The following MYH10 variants were observed in gnomAD, a reference collection of about 807,000 sequenced individuals.
MYH10 encodes the protein myosin heavy chain 10.
In MYH10, 55 loss-of-function variants were observed where a neutral mutation model predicts 257.8. That is an observed-to-expected ratio of 0.21 (90% CI 0.17 to 0.27). The LOEUF (loss-of-function observed/expected upper bound fraction) is 0.27. MYH10 is among the 10% of genes least tolerant of loss of function. MYH10 has a pLI of 1.00. For synonymous variants in MYH10, 854 were observed against 921.7 expected (o/e 0.93, Z 1.33); for missense variants, 1,631 against 2,500.6 (o/e 0.65, Z 7.42).
chr17:8,495,118 C>T lies in MYH10; in HGVS notation c.4056+19G>A, dbSNP rs1329061874. On this transcript the variant is annotated intron_variant, in intron 31 of 42. Transcript: ENST00000360416. The stretch of plus-strand genomic sequence containing the variant: ...GAAATGTTAGTTATTATAAAGACCC[C>T]TTGCTCCCCAGGGAATACCTGTGTA... The T allele has an allele frequency of 6.8e-7, 1 of 1,462,060 alleles. No homozygotes were observed. Among genetic ancestry groups the T allele is most frequent in the Admixed American group, 1.7e-5 (1 of 59,554 alleles). 90.6% of individuals were successfully genotyped at this position (1,462,060 alleles called of 1,614,324 possible). A position where few individuals can be genotyped will look rare whatever the true frequency, so the allele number is the denominator to read the frequency against.
At chr17:8,568,053 T>C (rs957657780) in intron 7 of MYH10, among the ~76,000 whole-genome samples, 8 of 152,134 alleles carry the variant, frequency 5.3e-5, no homozygotes, top group Admixed American at 1.3e-4. Context: ...AAAAACAGCC[T>C]AAAATGTGTT....
intron 1 of MYH10, among the ~76,000 whole-genome samples, chr17:8,629,806 C>T (rs1282621746): frequency 1.3e-5 from 2 of 151,904 alleles, no homozygotes; most frequent in Non-Finnish European, 2.9e-5. Flanking sequence ...CCCCTCAAAC[C>T]GCCTGGGCCT....
chr17:8,512,782 G>A, intron 23 of MYH10, 125 bp from the exon 24 acceptor site: 11 of 720,484 alleles, frequency 1.5e-5, no homozygotes, highest in East Asian at 2.9e-5. Flanking sequence ...TAACATCACG[G>A]GAAGAACTTT....
intron 7 of MYH10, among the ~76,000 whole-genome samples, chr17:8,564,088 C>T (rs1278700890): frequency 6.6e-6 from 1 of 152,194 alleles, no homozygotes; most frequent in Non-Finnish European, 1.5e-5. Flanking sequence ...TCTCCTCCAT[C>T]TGGAACGCAT....
chr17:8,480,485 T>A lies in MYH10; in HGVS notation c.5305A>T (p.Ile1769Phe). The A allele has an allele frequency of 1.9e-6, 3 of 1,611,682 alleles. No homozygotes were observed. Among genetic ancestry groups the A allele is most frequent in the Non-Finnish European group, 2.5e-6 (3 of 1,179,920 alleles). Reference protein sequence around the residue: ...LDEKRRLEARIAQLEEELEEE... With the variant: ...LDEKRRLEARFAQLEEELEEE... ...TCCAGCTCCTCCTCCAGCTGTGCGATCCGAGCTTCCAGACGCCGCTTCTCA... is the reference window on the plus strand; with the variant it reads ...TCCAGCTCCTCCTCCAGCTGTGCGAACCGAGCTTCCAGACGCCGCTTCTCA... Residue 1769 changes from isoleucine to phenylalanine, a missense_variant, in exon 39 of 43, where the codon ATC becomes TTC. Coordinates refer to ENST00000360416, the MANE Select transcript of MYH10 (RefSeq NM_001256012.3).
chr17:8,476,928 C>T lies in MYH10; in HGVS notation c.5827G>A (p.Glu1943Lys), dbSNP rs778816874. The part of the protein sequence containing the change: ...KLQRELDDAT[E>K]ANEGLSREVS... ...TCGCGGCTCAGGCCCTCGTTGGCCT[C>T]GGTGGCATCATCCAGTTCCCGCTGG... The change falls in exon 42 of 43, where the codon GAG becomes AAG. Residue 1943 changes from glutamate to lysine, a missense_variant. By Grantham distance (56) the Glu-to-Lys change is moderately conservative. Transcript: ENST00000360416. 3 of 1,613,272 alleles carry T rather than the reference C, an allele frequency of 1.9e-6. No individual in the cohort carries two copies. Among genetic ancestry groups the T allele is most frequent in the Admixed American group, 3.3e-5 (2 of 60,006 alleles).
chr17:8,564,844 G>C (rs2083113343), intron 7 of MYH10, among the ~76,000 whole-genome samples: 1 of 152,148 alleles, frequency 6.6e-6, no homozygotes, highest in African/African-American at 2.4e-5. Context: ...GGTGCCATGA[G>C]GGAAATAAAC....
chr17:8,569,697 G>T lies in MYH10; in HGVS notation c.756+23C>A. 6.6e-7 allele frequency: 1 copy of T among 1,517,420 alleles called. No homozygotes were observed. The highest frequency in any genetic ancestry group is 9.0e-7 in the Non-Finnish European group (1 of 1,105,578). 94.0% of individuals were successfully genotyped at this position (1,517,420 alleles called of 1,614,324 possible). A position where few individuals can be genotyped will look rare whatever the true frequency, so the allele number is the denominator to read the frequency against. ...TAACTAGAAATCTAAGGAATTAAAAGCTTCTGGTGCTTTGAAACTTACAAA... is the reference window on the plus strand; with the variant it reads ...TAACTAGAAATCTAAGGAATTAAAATCTTCTGGTGCTTTGAAACTTACAAA... On this transcript the variant is annotated intron_variant, in intron 7 of 42. Transcript: ENST00000360416. This position sits in a 1 kb window ranked among gnomAD's most constrained non-coding sequence, Gnocchi z 4.1.
chr17:8,571,663 C>G (rs1306794788), intron 6 of MYH10, among the ~76,000 whole-genome samples: 1 of 151,720 alleles, frequency 6.6e-6, no homozygotes, highest in East Asian at 2.0e-4. Flanking sequence ...GTGCCTGAGG[C>G]AGGAGAATCG....
intron 17 of MYH10, among the ~76,000 whole-genome samples, chr17:8,525,668 G>T (rs1239680958): frequency 6.6e-6 from 1 of 152,114 alleles, no homozygotes; most frequent in Non-Finnish European, 1.5e-5. Context: ...TGTGTGTGTG[G>T]TTTTTTAAAA....
chr17:8,487,363 C>T (rs1186015872), intron 36 of MYH10, 70 bp downstream of exon 36: 2 of 1,586,276 alleles, frequency 1.3e-6, no homozygotes, highest in Non-Finnish European at 8.6e-7. Context: ...AGCTTCACTG[C>T]TGGACTCTGT....
chr17:8,478,348 T>A lies in MYH10; in HGVS notation c.5696A>T (p.Tyr1899Phe). 1 of 1,613,970 alleles carries A rather than the reference T, an allele frequency of 6.2e-7. No homozygotes were observed. The highest frequency in any genetic ancestry group is 8.5e-7 in the Non-Finnish European group (1 of 1,179,866). The change falls in exon 41 of 43, where the codon TAT (tyrosine) becomes TTT (phenylalanine). Residue 1899 changes from tyrosine to phenylalanine, a missense_variant. By Grantham distance (22) the Tyr-to-Phe change is conservative. Around this residue, in one of 11 missense-constraint regions of MYH10, gnomAD observed 343 missense variants for 389.5 expected, o/e 0.88. Transcript: ENST00000360416. Reference sequence around the variant, plus strand: ...CACTTCCTCGCGTACCTGCTCTTTATACTGGTCCGCGTGTCGACGCTCATC... The same window carrying A: ...CACTTCCTCGCGTACCTGCTCTTTAAACTGGTCCGCGTGTCGACGCTCATC... ...VEDERRHADQYKEQMEKANAR... is the reference protein window; with the variant it reads ...VEDERRHADQFKEQMEKANAR...
intron 14 of MYH10, 169 bp downstream of exon 14, chr17:8,541,938 A>C: frequency 1.6e-6 from 1 of 623,658 alleles, no homozygotes; most frequent in Non-Finnish European, 2.6e-6. Context: ...CATGCTACTG[A>C]CTTTTAAATT....
chr17:8,573,984 A>C (rs1412455578), intron 6 of MYH10: 1 of 205,480 alleles, frequency 4.9e-6, no homozygotes, highest in Non-Finnish European at 8.5e-6. Context: ...CTCTTTAAAA[A>C]TGTTTAACAG....
chr17:8,483,864 A>C (rs1397707418), intron 37 of MYH10, among the ~76,000 whole-genome samples: 1 of 152,254 alleles, frequency 6.6e-6, no homozygotes, highest in South Asian at 2.1e-4. Context: ...GGAACAGGCC[A>C]AGAAGGTGGC....
At chr17:8,517,550 C>T (rs1187369639) in intron 21 of MYH10, among the ~76,000 whole-genome samples, 5 of 152,246 alleles carry the variant, frequency 3.3e-5, no homozygotes. Flanking sequence ...AAATCCAAAT[C>T]AGTTCTAAGT....
Position 8,617,198 on chromosome 17 carries a change from ACAT to A in MYH10, c.345+5701_345+5703del, listed in dbSNP as rs1180486736. Among the ~76,000 whole-genome samples, 3 of 152,268 alleles carry A rather than the reference ACAT, an allele frequency of 2.0e-5. No individual in the cohort carries two copies. The East Asian group carries it at 5.8e-4, about 29-fold the overall frequency. ...TCAAACTGAGTTCAACCAATGGGAG[ACAT>A]CAGCAGGAGACTAAGGGTGAGAAGA... On this transcript the variant is annotated intron_variant, in intron 2 of 42. Transcript: ENST00000360416.
chr17:8,571,612 TC>T (rs2083344933), intron 6 of MYH10, among the ~76,000 whole-genome samples: 1 of 151,450 alleles, frequency 6.6e-6, no homozygotes, highest in African/African-American at 2.4e-5. Context: ...GAAACCTGTC[TC>T]TACTAAAAAT....
intron 1 of MYH10, among the ~76,000 whole-genome samples, chr17:8,629,985 C>T (rs887147667): frequency 1.3e-5 from 2 of 152,032 alleles, no homozygotes; most frequent in Non-Finnish European, 1.5e-5. Context: ...AGCCAATGCC[C>T]TCCTGTCCCT....
Sources: allele counts gnomAD v4.1 joint callset (sites outside exome capture counted in the v4.1 genomes callset), GRCh38; gene constraint gnomAD v4.1.1; regional missense constraint gnomAD v4.1.1; non-coding constraint Gnocchi (gnomAD v3.1); transcripts MANE v1.5; gene names NCBI Gene and HGNC (gene_info 2026-07-23, HGNC 2026-07-21).